The following SLC1A6 variants were observed in gnomAD, a reference collection of about 807,000 sequenced individuals.
The protein encoded by SLC1A6 is solute carrier family 1 member 6.
Under a neutral mutation model 42.1 loss-of-function variants are expected in SLC1A6, and 15 were observed. The ratio of observed to expected loss-of-function variants is 0.36; its 90% CI spans 0.24 to 0.55. The LOEUF is 0.55. Among genes scored for constraint, SLC1A6 ranks in the 20% least tolerant of loss-of-function variants. SLC1A6 has a pLI of 0.88. For synonymous variants in SLC1A6, 317 were observed against 319.7 expected (o/e 0.99, Z 0.09); for missense variants, 542 against 772.5 (o/e 0.70, Z 3.54).
chr19:14,983,715 A>C (rs1313299051), upstream of SLC1A6, among the ~76,000 whole-genome samples: 5 of 130,242 alleles, frequency 3.8e-5, no homozygotes, highest in East Asian at 2.5e-4. Flanking sequence ...AAGAACAACA[A>C]CACCAAAAAA....
Position 14,962,273 on chromosome 19 carries a change from C to A in SLC1A6, c.664G>T (p.Ala222Ser), listed in dbSNP as rs201564627. Residue 222 changes from alanine to serine, a missense_variant, in exon 6 of 10, where the codon GCC becomes TCC. This residue lies in a region of SLC1A6 where 298 missense variants were observed against 419.4 expected (regional missense o/e 0.71). Coordinates refer to ENST00000594383, the MANE Select transcript of SLC1A6 (RefSeq NM_005071.3). Reference protein sequence around the residue: ...VRTENGSEPGASMPPPFSVEN... With the variant: ...VRTENGSEPGSSMPPPFSVEN... ...ACTGAGAATGGAGGAGGCATGGAGG[C>A]ACCCGGCTCAGACCCGTTCTCTGTC... 6.2e-7 allele frequency: 1 copy of A among 1,614,032 alleles called. No homozygotes were observed. Among genetic ancestry groups the A allele is most frequent in the East Asian group, 2.2e-5 (1 of 44,884 alleles).
At chr19:15,003,825 C>A (rs1049366300) in intron 1 of SLC1A6, among the ~76,000 whole-genome samples, 3 of 152,048 alleles carry the variant, frequency 2.0e-5, no homozygotes, top group Admixed American at 2.0e-4. Context: ...AGCAAAGTTG[C>A]AAAAAGGAAT....
intron 1 of SLC1A6, among the ~76,000 whole-genome samples, chr19:14,993,610 C>T (rs2045831284): frequency 6.6e-6 from 1 of 152,084 alleles, no homozygotes; most frequent in Non-Finnish European, 1.5e-5. Context: ...TGTTTGAGGC[C>T]TGCATGCAAG....
At chr19:14,988,614 C>T (rs1041541321) in intron 1 of SLC1A6, among the ~76,000 whole-genome samples, 3 of 152,144 alleles carry the variant, frequency 2.0e-5, no homozygotes. Context: ...TCAGAATATA[C>T]ACCATAGAAT....
intron 9 of SLC1A6, among the ~76,000 whole-genome samples, chr19:14,951,520 T>G (rs557890356): frequency 3.9e-5 from 6 of 151,914 alleles, no homozygotes; most frequent in South Asian, 4.2e-4. Context: ...TTTTTGTTTT[T>G]GTTTTTGTTT....
At chr19:14,992,540 C>T (rs1205125578) in intron 1 of SLC1A6, among the ~76,000 whole-genome samples, 1 of 152,046 alleles carries the variant, frequency 6.6e-6, no homozygotes, top group Admixed American at 6.6e-5. Context: ...CACCTGTAAT[C>T]CCAGCTACTC....
intron 9 of SLC1A6, 78 bp from the exon 10 acceptor site, chr19:14,950,468 T>A: frequency 8.7e-7 from 1 of 1,148,536 alleles, no homozygotes. Flanking sequence ...CAGAGGGGGG[T>A]CCCTGTGCCA....
chr19:14,959,715 T>G (rs2045492573), intron 6 of SLC1A6, among the ~76,000 whole-genome samples: 1 of 152,102 alleles, frequency 6.6e-6, no homozygotes, highest in African/African-American at 2.4e-5. Context: ...CCAAACAACT[T>G]AGGTACCTTC....
chr19:14,990,643 C>A (rs942892737), intron 1 of SLC1A6, among the ~76,000 whole-genome samples: 2 of 152,016 alleles, frequency 1.3e-5, no homozygotes, highest in Admixed American at 6.6e-5. Context: ...GTGGCGCACA[C>A]CTATAATCGC....
chr19:14,998,191 T>C (rs1450700257), intron 1 of SLC1A6, among the ~76,000 whole-genome samples: 2 of 152,090 alleles, frequency 1.3e-5, no homozygotes, highest in Non-Finnish European at 2.9e-5. Context: ...CAGACATGCC[T>C]CATTAAGCTC....
chr19:15,002,501 C>T (rs2045876688), intron 1 of SLC1A6, among the ~76,000 whole-genome samples: 1 of 152,128 alleles, frequency 6.6e-6, no homozygotes, highest in Non-Finnish European at 1.5e-5. Flanking sequence ...GCCATGATCG[C>T]TTTGTAACCT....
intron 1 of SLC1A6, among the ~76,000 whole-genome samples, chr19:14,998,833 C>T (rs1490604977): frequency 6.6e-6 from 1 of 150,878 alleles, no homozygotes; most frequent in Non-Finnish European, 1.5e-5. Flanking sequence ...GGGTCTAGAA[C>T]CTTTTTAAGT....
chr19:14,987,290 A>C (rs2045797350), intron 1 of SLC1A6, among the ~76,000 whole-genome samples: 1 of 151,984 alleles, frequency 6.6e-6, no homozygotes, highest in Non-Finnish European at 1.5e-5. Flanking sequence ...AACATGGCGA[A>C]ATACCGTCTC....
intron 1 of SLC1A6, among the ~76,000 whole-genome samples, chr19:15,006,814 T>C (rs901731390): frequency 1.3e-5 from 2 of 151,296 alleles, no homozygotes; most frequent in African/African-American, 2.4e-5. Flanking sequence ...AAGCTATGCA[T>C]GGTGGCACAT....
chr19:14,989,224 T>A (rs944454317), intron 1 of SLC1A6, among the ~76,000 whole-genome samples: 4 of 152,050 alleles, frequency 2.6e-5, no homozygotes, highest in African/African-American at 9.7e-5. Context: ...ATTCAATATA[T>A]CCATGTATCA....
At chr19:14,984,696 C>T (rs1423719198), upstream of SLC1A6, among the ~76,000 whole-genome samples, 1 of 152,188 alleles carries the variant, frequency 6.6e-6, no homozygotes, top group Non-Finnish European at 1.5e-5. Context: ...ATGCATTCGT[C>T]ATTTGAAAAA....
upstream of SLC1A6, among the ~76,000 whole-genome samples, chr19:14,980,530 G>A (rs1283523440): frequency 6.6e-6 from 1 of 151,970 alleles, no homozygotes; most frequent in Non-Finnish European, 1.5e-5. Flanking sequence ...GGTGGCTCAC[G>A]CCTGTAATCC....
At chr19:15,007,600 C>T (rs963165988) in intron 1 of SLC1A6, among the ~76,000 whole-genome samples, 3 of 152,022 alleles carry the variant, frequency 2.0e-5, no homozygotes, top group Non-Finnish European at 2.9e-5. Flanking sequence ...TGATTCCATC[C>T]GTTTCTTTAT....
At chr19:14,952,330 C>T (rs1243964648) in intron 9 of SLC1A6, among the ~76,000 whole-genome samples, 14 of 151,198 alleles carry the variant, frequency 9.3e-5, no homozygotes, top group African/African-American at 2.9e-4. Context: ...AGGTGGATCA[C>T]GAGGTCAGGA....
Sources: gnomAD v4.1 joint callset for allele counts (sites outside exome capture counted in the v4.1 genomes callset) on GRCh38, gnomAD v4.1.1 for gene constraint, gnomAD v4.1.1 regional missense constraint, MANE v1.5 for transcripts, NCBI Gene and HGNC (gene_info 2026-07-23, HGNC 2026-07-21) for gene names.